Variants in RELCH observed in about 807,000 individuals in gnomAD.
The protein encoded by RELCH is RAB11 binding and LisH domain, coiled-coil and HEAT repeat containing.
A neutral mutation model predicts 150.3 loss-of-function variants in RELCH; 41 were observed. The observed-to-expected ratio is 0.27, with a 90% CI of 0.21 to 0.35. RELCH has a LOEUF of 0.35. Ranked by LOEUF, RELCH falls within the 10% of genes least tolerant of loss-of-function variation. The pLI, the probability that RELCH is intolerant of heterozygous loss-of-function variation, is 1.00. For synonymous variants in RELCH, 478 were observed against 531.8 expected, an observed-to-expected ratio of 0.90 and a Z score of 1.39; for missense variants, 1,092 against 1,467.8, an observed-to-expected ratio of 0.74 and a Z score of 4.18.
chr18:62,196,426 T>C (rs1417522799), intron 1 of RELCH, among the ~76,000 whole-genome samples: 1 of 152,098 alleles, frequency 6.6e-6, no homozygotes, highest in Non-Finnish European at 1.5e-5. Flanking sequence ...GATTAGGTTT[T>C]GCCATGTTGG....
At chr18:62,252,228 T>G (rs965693679) in intron 11 of RELCH, among the ~76,000 whole-genome samples, 6 of 151,408 alleles carry the variant, frequency 4.0e-5, no homozygotes, top group African/African-American at 9.7e-5. Flanking sequence ...CTCTATCTCC[T>G]GACCTCATGA....
intron 2 of RELCH, among the ~76,000 whole-genome samples, chr18:62,218,763 G>A (rs1210982146): frequency 6.6e-6 from 1 of 151,912 alleles, no homozygotes; most frequent in East Asian, 1.9e-4. Context: ...CCACTTGGTT[G>A]GTCATTCCTG....
intron 1 of RELCH, among the ~76,000 whole-genome samples, chr18:62,197,190 C>T (rs1008365887): frequency 2.0e-5 from 3 of 152,132 alleles, no homozygotes; most frequent in Non-Finnish European, 4.4e-5. Context: ...AGGGTGTTTC[C>T]ACTGGGGTAG....
intron 9 of RELCH, 35 bp from the exon 10 acceptor site, chr18:62,232,297 C>A: frequency 7.5e-7 from 1 of 1,340,950 alleles, no homozygotes; most frequent in Non-Finnish European, 1.1e-6. Flanking sequence ...AGAAGTTCTC[C>A]ACTATCATTG....
At chr18:62,193,437 G>A (rs139640010) in intron 1 of RELCH, among the ~76,000 whole-genome samples, 116 of 152,242 alleles carry the variant, frequency 7.6e-4, no homozygotes, top group African/African-American at 2.5e-3. Context: ...TCCTTGTCTT[G>A]TGCCAGTTTT....
At chr18:62,203,272 A>G (rs915449657) in intron 1 of RELCH, among the ~76,000 whole-genome samples, 1 of 152,170 alleles carries the variant, frequency 6.6e-6, no homozygotes, top group Non-Finnish European at 1.5e-5. Flanking sequence ...CCTGGCCAAC[A>G]TGGTGAAACC....
At chr18:62,274,212 G>C in intron 21 of RELCH, 126 bp downstream of exon 21, 1 of 603,550 alleles carries the variant, frequency 1.7e-6, no homozygotes, top group Non-Finnish European at 2.9e-6. Flanking sequence ...TGAAACTTAA[G>C]GGTTTTTTTG....
At chr18:62,271,311 G>A (rs1222158061) in intron 20 of RELCH, among the ~76,000 whole-genome samples, 2 of 152,194 alleles carry the variant, frequency 1.3e-5, no homozygotes, top group Non-Finnish European at 2.9e-5. Flanking sequence ...GTATCTCATT[G>A]TGGTTTTGAT....
intron 17 of RELCH, 104 bp downstream of exon 17, chr18:62,264,249 T>C (rs2043429026): frequency 9.0e-6 from 8 of 884,320 alleles, no homozygotes; most frequent in Non-Finnish European, 8.6e-6. Flanking sequence ...TAACTCGGCA[T>C]CATTTTTGGT....
rs146850645 is a variant in RELCH at position 62,204,699 on chromosome 18, T to G, written c.527-6454T>G. Among the ~76,000 whole-genome samples, 1,130 of 152,314 alleles carry G rather than the reference T, an allele frequency of 7.4e-3. 15 individuals carry two copies. The highest frequency in any genetic ancestry group is 0.026 in the African/African-American group (1,078 of 41,554). On this transcript the variant is annotated intron_variant, in intron 1 of 28. Transcript: ENST00000644646. Reference sequence around the variant, plus strand: ...TGATAACCCAATGGTTTATTCCAGTTTAGCATTTTATATTTTCAGTTATTT... The same window carrying G: ...TGATAACCCAATGGTTTATTCCAGTGTAGCATTTTATATTTTCAGTTATTT...
chr18:62,220,659 A>G (rs918553135), intron 2 of RELCH, among the ~76,000 whole-genome samples: 3 of 152,048 alleles, frequency 2.0e-5, no homozygotes, highest in African/African-American at 7.2e-5. Context: ...CCCTGAAATT[A>G]TGTCACCTGC....
chr18:62,307,290 T>C lies in RELCH; in HGVS notation c.*1756T>C, dbSNP rs1159782979. The C allele has an allele frequency of 6.6e-6, 1 of 152,086 alleles. No individual in the cohort carries two copies. The highest frequency in any genetic ancestry group is 1.5e-5 in the Non-Finnish European group (1 of 67,986). The allele number at this position is 152,086 out of a possible 1,614,324, so 9.4% of individuals were successfully genotyped here. A position where few individuals can be genotyped will look rare whatever the true frequency, so the allele number is the denominator to read the frequency against. On this transcript the variant is annotated 3_prime_UTR_variant, in exon 29 of 29. Coordinates refer to ENST00000644646, the MANE Select transcript of RELCH (RefSeq NM_001346231.2). ...TTTTACTAAAAGGGGACCATGTTGC[T>C]ATAAAACTAATACATTTCAGAGGTA...
At chr18:62,254,754 C>T (rs9320006) in intron 12 of RELCH, 40,143 of 151,888 alleles carry the variant, frequency 0.26, 5,843 homozygotes, top group Middle Eastern at 0.45. Flanking sequence ...CAAATATACT[C>T]CTTTTCCAGT....
intron 28 of RELCH, chr18:62,300,657 C>T (rs1049192518): frequency 1.3e-5 from 2 of 152,174 alleles, no homozygotes; most frequent in Admixed American, 6.5e-5. Flanking sequence ...GACGTTAGTA[C>T]ATTGTTTAAT....
At chr18:62,245,498 C>T (rs1456199766) in intron 11 of RELCH, among the ~76,000 whole-genome samples, 20 of 151,818 alleles carry the variant, frequency 1.3e-4, no homozygotes, top group African/African-American at 4.8e-4. Context: ...TGGTGGTGGG[C>T]GCCTGTAATC....
chr18:62,213,988 A>G (rs963217713), intron 2 of RELCH, among the ~76,000 whole-genome samples: 4 of 152,030 alleles, frequency 2.6e-5, no homozygotes, highest in Non-Finnish European at 5.9e-5. Flanking sequence ...CACAACTAGG[A>G]GTGAAATATA....
intron 1 of RELCH, among the ~76,000 whole-genome samples, chr18:62,196,604 A>G (rs962805693): frequency 3.7e-4 from 57 of 152,246 alleles, no homozygotes; most frequent in African/African-American, 1.3e-3. Flanking sequence ...TCTCTGGGCC[A>G]TAGACGTTCC....
chr18:62,255,567 G>A, intron 13 of RELCH, 89 bp downstream of exon 13: 1 of 898,922 alleles, frequency 1.1e-6, no homozygotes, highest in East Asian at 2.5e-5. Context: ...TAATCCAAAT[G>A]TCTCCTAGAT....
intron 1 of RELCH, among the ~76,000 whole-genome samples, chr18:62,206,509 G>A (rs11663647): frequency 0.1 from 15,971 of 152,220 alleles, 1,177 homozygotes; most frequent in East Asian, 0.28. Context: ...GCCCAAGGTG[G>A]AGTCCAAATC....
Sources: allele counts gnomAD v4.1 joint callset (sites outside exome capture counted in the v4.1 genomes callset), GRCh38; gene constraint gnomAD v4.1.1; transcripts MANE v1.5; gene names NCBI Gene and HGNC (gene_info 2026-07-23, HGNC 2026-07-21).